Variants in XKR9 observed in about 807,000 individuals in gnomAD.
XKR9 encodes the protein XK related 9.
In XKR9, 32 loss-of-function variants were observed where a neutral mutation model predicts 32.0. That is an observed-to-expected ratio of 1.00 (90% CI 0.76 to 1.34). The LOEUF (loss-of-function observed/expected upper bound fraction) is 1.34. XKR9 is among the 40% of genes most tolerant of loss of function. The pLI is 0.00. For missense variants in XKR9, 546 were observed against 429.7 expected, an observed-to-expected ratio of 1.27 and a Z score of -2.39; for synonymous variants, 168 against 143.4, an observed-to-expected ratio of 1.17 and a Z score of -1.22.
the XKR9 span, among the ~76,000 whole-genome samples, chr8:70,842,934 G>A: frequency 2.0e-5 from 3 of 152,180 alleles, no homozygotes; most frequent in African/African-American, 7.2e-5. Context: ...ACTGAAGAAG[G>A]AGAGAAGGAA....
chr8:70,885,637 TC>T, the XKR9 span, among the ~76,000 whole-genome samples: 339 of 152,040 alleles, frequency 2.2e-3, 2 homozygotes, highest in African/African-American at 8.0e-3. Context: ...TGCTCTGTCA[TC>T]CAGGCTGGAG....
the XKR9 span, among the ~76,000 whole-genome samples, chr8:70,983,539 G>A: frequency 6.6e-6 from 1 of 152,120 alleles, no homozygotes. Context: ...CCAGCACTTT[G>A]GGAGGCTGAG....
At chr8:70,885,108 C>G in the XKR9 span, among the ~76,000 whole-genome samples, 1 of 151,002 alleles carries the variant, frequency 6.6e-6, no homozygotes, top group South Asian at 2.1e-4. Context: ...TCAGTTTATA[C>G]CTAATTATTT....
intron 3 of XKR9, among the ~76,000 whole-genome samples, chr8:70,697,337 T>C (rs904031017): frequency 4.0e-5 from 6 of 151,310 alleles, no homozygotes; most frequent in African/African-American, 1.5e-4. Flanking sequence ...AGATAGCTCT[T>C]ATTATTTTGA....
At chr8:70,815,168 T>TA in the XKR9 span, among the ~76,000 whole-genome samples, 1 of 152,110 alleles carries the variant, frequency 6.6e-6, no homozygotes, top group Non-Finnish European at 1.5e-5. Flanking sequence ...CATTTATTTT[T>TA]AATTTTTTTA....
In XKR9 at chr8:70,688,606, C is replaced by T. The variant is rs7463481; in HGVS notation, c.272+7276C>T. Among the ~76,000 whole-genome samples the T allele has an allele frequency of 5.9e-5, 9 of 151,996 alleles. No homozygotes were observed. In the East Asian group the frequency reaches 7.8e-4, roughly 13 times the overall value. On this transcript the variant is annotated intron_variant, in intron 3 of 4. Coordinates refer to ENST00000408926, the MANE Select transcript of XKR9 (RefSeq NM_001011720.2). ...TAATTTTTTGTATTTTTAGTAGAGA[C>T]GGGGTTTCACCATGTTAGCCAGGAT...
chr8:70,948,571 A>T, the XKR9 span, among the ~76,000 whole-genome samples: 2 of 152,064 alleles, frequency 1.3e-5, no homozygotes, highest in Non-Finnish European at 2.9e-5. Flanking sequence ...CAGATATGGC[A>T]TGTCATTCTC....
chr8:70,908,831 G>A, the XKR9 span, among the ~76,000 whole-genome samples: 1 of 152,102 alleles, frequency 6.6e-6, no homozygotes, highest in South Asian at 2.1e-4. Context: ...AAGGCATTAA[G>A]TCATATTTAG....
chr8:70,841,698 T>C, the XKR9 span, among the ~76,000 whole-genome samples: 4 of 152,200 alleles, frequency 2.6e-5, no homozygotes, highest in East Asian at 7.7e-4. Flanking sequence ...AATTTGAGTT[T>C]TCAAATGTTT....
chr8:70,772,867 G>C (rs907295624), intron 2 of XKR9, among the ~76,000 whole-genome samples: 2 of 152,134 alleles, frequency 1.3e-5, no homozygotes, highest in African/African-American at 4.8e-5. Context: ...AAAGGGGAGT[G>C]TTTGGTATAA....
chr8:70,912,076 A>G, the XKR9 span, among the ~76,000 whole-genome samples: 1 of 152,168 alleles, frequency 6.6e-6, no homozygotes, highest in Non-Finnish European at 1.5e-5. Context: ...TGGCAAAAGT[A>G]TATATGTTAC....
the XKR9 span, among the ~76,000 whole-genome samples, chr8:70,846,903 C>T: frequency 6.6e-6 from 1 of 152,112 alleles, no homozygotes; most frequent in African/African-American, 2.4e-5. Context: ...GACTGCAACA[C>T]ACCATTCTCA....
chr8:70,918,699 C>CAAAAATAAA, the XKR9 span, among the ~76,000 whole-genome samples: 1 of 116,856 alleles, frequency 8.6e-6, no homozygotes, highest in Non-Finnish European at 1.9e-5. Flanking sequence ...TCTCAGAAAA[C>CAAAAATAAA]AAAAATAAAA....
chr8:70,760,743 C>G (rs1454527525), intron 2 of XKR9, among the ~76,000 whole-genome samples: 1 of 152,120 alleles, frequency 6.6e-6, no homozygotes. Flanking sequence ...GGTACATGTG[C>G]AGGATGTGCA....
downstream of XKR9, among the ~76,000 whole-genome samples, chr8:70,791,324 A>G (rs1422192036): frequency 6.6e-6 from 1 of 151,978 alleles, no homozygotes; most frequent in African/African-American, 2.4e-5. Flanking sequence ...AAAAAAAAAA[A>G]GAATGGGTCT....
At chr8:70,972,648 A>G in the XKR9 span, among the ~76,000 whole-genome samples, 1 of 152,050 alleles carries the variant, frequency 6.6e-6, no homozygotes, top group Admixed American at 6.6e-5. Context: ...TTCTATGCCA[A>G]TTTTACTGAG....
chr8:70,823,797 A>T, the XKR9 span, among the ~76,000 whole-genome samples: 29 of 152,268 alleles, frequency 1.9e-4, no homozygotes, highest in Non-Finnish European at 3.7e-4. Flanking sequence ...GGGAATCAAG[A>T]GGAACCAGAA....
intron 3 of XKR9, among the ~76,000 whole-genome samples, chr8:70,695,940 A>G (rs1011353263): frequency 6.6e-6 from 1 of 150,454 alleles, no homozygotes; most frequent in African/African-American, 2.4e-5. Context: ...GATGGTGAGC[A>G]TTTTTTCATG....
the XKR9 span, among the ~76,000 whole-genome samples, chr8:71,065,562 G>T: frequency 6.6e-6 from 1 of 152,194 alleles, no homozygotes; most frequent in African/African-American, 2.4e-5. Context: ...GGTGTGAGGT[G>T]GCTTCCTCTC....
Sources: allele counts gnomAD v4.1 joint callset (sites outside exome capture counted in the v4.1 genomes callset), GRCh38; gene constraint gnomAD v4.1.1; transcripts MANE v1.5; gene names NCBI Gene and HGNC (gene_info 2026-07-23, HGNC 2026-07-21).